Variants in ADAM18 observed in about 807,000 individuals in gnomAD.
ADAM18 encodes ADAM metallopeptidase domain 18.
A neutral mutation model predicts 94.4 loss-of-function variants in ADAM18; 117 were observed. That is an observed-to-expected ratio of 1.24 (90% CI 1.07 to 1.45). ADAM18 has a LOEUF of 1.45. Ranked by LOEUF, ADAM18 falls within the 40% of genes most tolerant of loss-of-function variation. The pLI is 0.00. For synonymous variants in ADAM18, 327 were observed against 291.6 expected (o/e 1.12, Z -1.24); for missense variants, 936 against 880.0 (o/e 1.06, Z -0.81).
At chr8:39,728,360 T>G (rs1350369418) in intron 19 of ADAM18, among the ~76,000 whole-genome samples, 1 of 152,196 alleles carries the variant, frequency 6.6e-6, no homozygotes, top group Non-Finnish European at 1.5e-5. Flanking sequence ...ATTACTTGAC[T>G]GATGAACAGA....
In ADAM18 at chr8:39,730,063, C is replaced by A; in HGVS notation, c.*123C>A. ...TGGAAAATAAAGCCTGCGTGCCCTC[C>A]CATGTGCCTCCTCCAGTGCCTCTTG... On this transcript the variant is annotated 3_prime_UTR_variant, in exon 20 of 20. Transcript: ENST00000265707. 1 of 866,942 alleles carries A rather than the reference C, an allele frequency of 1.2e-6. No individual in the cohort carries two copies. The highest frequency in any genetic ancestry group is 1.9e-6 in the Non-Finnish European group (1 of 530,378). 53.7% of individuals were successfully genotyped at this position (866,942 alleles called of 1,614,324 possible). A position where few individuals can be genotyped will look rare whatever the true frequency, so the allele number is the denominator to read the frequency against.
chr8:39,614,224 A>G (rs531655226), intron 6 of ADAM18, among the ~76,000 whole-genome samples: 1 of 152,304 alleles, frequency 6.6e-6, no homozygotes, highest in Admixed American at 6.5e-5. Context: ...AAATAGAGAC[A>G]AGGGACAGGC....
At position 39,718,555 on chromosome 8, in the gene ADAM18, A is replaced by G. The variant is rs370378088; in HGVS notation, c.2018-5193A>G. Among the ~76,000 whole-genome samples the G allele has an allele frequency of 2.0e-5, 3 of 151,520 alleles. No individual in the cohort carries two copies. In the East Asian group the frequency reaches 5.8e-4, roughly 29 times the overall value. On this transcript the variant is annotated intron_variant, in intron 18 of 19. Transcript: ENST00000265707. Reference sequence around the variant, plus strand: ...GAATGGTGGTTGTTGGGGTGGTAGTATGATGGGGTGGAAAATTACAAATTA... The same window carrying G: ...GAATGGTGGTTGTTGGGGTGGTAGTGTGATGGGGTGGAAAATTACAAATTA...
chr8:39,668,923 C>T lies in ADAM18; in HGVS notation c.1525+727C>T, dbSNP rs796106995. On this transcript the variant is annotated intron_variant, in intron 14 of 19. Transcript: ENST00000265707. Reference sequence around the variant, plus strand: ...ATTGTATATGGTCCATCTTGTCTTCCTAATTATTTGAGTAATAAATTTCAG... The same window carrying T: ...ATTGTATATGGTCCATCTTGTCTTCTTAATTATTTGAGTAATAAATTTCAG... Among the ~76,000 whole-genome samples the T allele has an allele frequency of 1.6e-4, 25 of 152,032 alleles. No individual in the cohort carries two copies. In the South Asian group the frequency reaches 5.2e-3, roughly 32 times the overall value.
At chr8:39,609,271 C>A (rs1165553897) in intron 4 of ADAM18, 151 bp downstream of exon 4, 1 of 716,516 alleles carries the variant, frequency 1.4e-6, no homozygotes, top group Non-Finnish European at 2.3e-6. Context: ...AGAGATGAAA[C>A]CCAGCTGCAA....
At chr8:39,687,132 C>G (rs1281726678) in intron 16 of ADAM18, among the ~76,000 whole-genome samples, 1 of 152,122 alleles carries the variant, frequency 6.6e-6, no homozygotes, top group African/African-American at 2.4e-5. Flanking sequence ...TTTTCACATG[C>G]CCATGTGGCC....
chr8:39,707,187 T>C (rs1466447975), intron 18 of ADAM18, among the ~76,000 whole-genome samples: 5 of 152,218 alleles, frequency 3.3e-5, no homozygotes, highest in Non-Finnish European at 5.9e-5. Context: ...TTTTATGCCA[T>C]GGCGTCTCCT....
intron 17 of ADAM18, 58 bp downstream of exon 17, chr8:39,692,738 T>G (rs1821817492): frequency 7.3e-6 from 10 of 1,375,158 alleles, no homozygotes; most frequent in African/African-American, 1.4e-5. Context: ...CAAATAAACA[T>G]CTGTTTATGA....
rs752647228 is a variant in ADAM18, at chr8:39,607,402, C to T, written c.188+1040C>T. Among the ~76,000 whole-genome samples the T allele has an allele frequency of 5.5e-4, 84 of 152,192 alleles. 1 individual carries two copies. Among genetic ancestry groups the T allele is most frequent in the Non-Finnish European group, 6.2e-4 (42 of 68,036 alleles). ...ATTTATAGCAACTGTCCCTTGTCTG[C>T]CTGCTTCTTTGTAATTGAACAAGGC... is the stretch of plus-strand genomic sequence containing the variant. On this transcript the variant is annotated intron_variant, in intron 3 of 19. Transcript: ENST00000265707.
At chr8:39,713,647 T>C (rs901879676) in intron 18 of ADAM18, among the ~76,000 whole-genome samples, 3 of 152,080 alleles carry the variant, frequency 2.0e-5, no homozygotes, top group Admixed American at 6.6e-5. Flanking sequence ...AATAGACACT[T>C]CTCAAAAGAA....
At chr8:39,643,430 G>C (rs1305282090) in intron 10 of ADAM18, among the ~76,000 whole-genome samples, 1 of 151,950 alleles carries the variant, frequency 6.6e-6, no homozygotes, top group Middle Eastern at 3.2e-3. Context: ...TCCTCACTAT[G>C]TAATGTATCT....
intron 12 of ADAM18, among the ~76,000 whole-genome samples, chr8:39,652,206 A>G (rs563456341): frequency 1.8e-4 from 27 of 152,280 alleles, no homozygotes; most frequent in African/African-American, 6.5e-4. Context: ...ATGGAATTAT[A>G]TCTAACTAAA....
chr8:39,695,346 G>A (rs181649551), intron 17 of ADAM18, among the ~76,000 whole-genome samples: 14 of 151,558 alleles, frequency 9.2e-5, no homozygotes, highest in East Asian at 7.7e-4. Flanking sequence ...ATCATTTTGC[G>A]TTCTCACCAA....
chr8:39,718,099 C>A (rs1232455850), intron 18 of ADAM18, among the ~76,000 whole-genome samples: 1 of 151,452 alleles, frequency 6.6e-6, no homozygotes, highest in Non-Finnish European at 1.5e-5. Flanking sequence ...GAACTTGGGA[C>A]CCTTGCATAC....
intron 18 of ADAM18, among the ~76,000 whole-genome samples, chr8:39,715,414 A>C (rs1822540279): frequency 6.6e-6 from 1 of 151,884 alleles, no homozygotes; most frequent in Non-Finnish European, 1.5e-5. Context: ...CTAGGGAAAG[A>C]AGGTTAAAGT....
intron 18 of ADAM18, among the ~76,000 whole-genome samples, chr8:39,721,359 A>G (rs1036588481): frequency 7.3e-5 from 11 of 151,518 alleles, no homozygotes; most frequent in Admixed American, 4.0e-4. Context: ...CAAATAATTT[A>G]TGACTCAAAG....
chr8:39,650,986 G>A (rs77663729), intron 12 of ADAM18, among the ~76,000 whole-genome samples: 1 of 152,168 alleles, frequency 6.6e-6, no homozygotes, highest in African/African-American at 2.4e-5. Context: ...GATCATTATC[G>A]GGCGTTTCTC....
intron 18 of ADAM18, among the ~76,000 whole-genome samples, chr8:39,712,117 T>C (rs188840345): frequency 2.2e-5 from 3 of 136,374 alleles, no homozygotes; most frequent in Non-Finnish European, 3.1e-5. Flanking sequence ...AATAAAACAA[T>C]AGATATTAAT....
intron 16 of ADAM18, among the ~76,000 whole-genome samples, chr8:39,683,939 C>A (rs1299457315): frequency 6.6e-6 from 1 of 151,976 alleles, no homozygotes; most frequent in Non-Finnish European, 1.5e-5. Flanking sequence ...GAGTTCAAGA[C>A]CTGCCTGGGA....
Sources: allele counts gnomAD v4.1 joint callset (sites outside exome capture counted in the v4.1 genomes callset), GRCh38; gene constraint gnomAD v4.1.1; transcripts MANE v1.5; gene names NCBI Gene and HGNC (gene_info 2026-07-23, HGNC 2026-07-21).